NTM: variants seen among roughly 807,000 people sequenced by gnomAD.
The protein encoded by NTM is IgLON family member 2.
NTM carries 13 observed loss-of-function variants against 42.1 expected under a neutral mutation model. The ratio of observed to expected loss-of-function variants is 0.31; its 90% CI spans 0.20 to 0.49. The LOEUF (loss-of-function observed/expected upper bound fraction) is 0.49. NTM is among the 20% of genes least tolerant of loss of function. The pLI is 0.99. For synonymous variants in NTM, 187 were observed against 179.2 expected (o/e 1.04, Z -0.35); for missense variants, 373 against 452.8 (o/e 0.82, Z 1.60).
intron 7 of NTM, among the ~76,000 whole-genome samples, chr11:132,326,288 C>T (rs1307839071): frequency 6.6e-6 from 1 of 152,114 alleles, no homozygotes. Context: ...TAGTTCTGAC[C>T]ACTGAGATCT....
intron 1 of NTM, among the ~76,000 whole-genome samples, chr11:131,894,812 T>C (rs1379274083): frequency 6.6e-6 from 1 of 152,194 alleles, no homozygotes; most frequent in Non-Finnish European, 1.5e-5. Context: ...TGGTGACAGA[T>C]ACTAGTATGA....
intron 1 of NTM, among the ~76,000 whole-genome samples, chr11:131,852,752 C>T (rs2045693968): frequency 6.6e-6 from 1 of 152,150 alleles, no homozygotes; most frequent in Non-Finnish European, 1.5e-5. Context: ...TCCATTCACT[C>T]ATCCATCCAA....
At chr11:131,740,938 C>T (rs571321159) in intron 1 of NTM, among the ~76,000 whole-genome samples, 9 of 152,192 alleles carry the variant, frequency 5.9e-5, no homozygotes, top group Admixed American at 3.9e-4. Flanking sequence ...GAGGCCGAGG[C>T]GTACAGATCA....
At chr11:132,317,823 T>C in intron 7 of NTM, 1 of 435,432 alleles carries the variant, frequency 2.3e-6, no homozygotes, top group South Asian at 2.0e-5. Context: ...TTGAAGGAGG[T>C]GATTGATTGG....
At chr11:131,407,426 A>T (rs1945916226) in intron 1 of NTM, among the ~76,000 whole-genome samples, 1 of 152,204 alleles carries the variant, frequency 6.6e-6, no homozygotes. Context: ...GTAATATTTT[A>T]TAGCAGCATC....
chr11:131,396,833 C>CA (rs143652343), intron 1 of NTM, among the ~76,000 whole-genome samples: 20,862 of 143,572 alleles, frequency 0.15, 1,817 homozygotes, highest in Non-Finnish European at 0.21. Context: ...AATTCTGTCT[C>CA]AAAAAAAAAA....
intron 1 of NTM, among the ~76,000 whole-genome samples, chr11:131,883,628 T>A (rs975066873): frequency 3.3e-5 from 5 of 152,194 alleles, no homozygotes; most frequent in African/African-American, 1.2e-4. Flanking sequence ...CAGACTCAGT[T>A]GGTTTGACCC....
Position 131,911,668 on chromosome 11 carries a change from C to T in NTM, c.167+20C>T, listed in dbSNP as rs1471987656. The T allele has an allele frequency of 3.1e-6, 5 of 1,613,918 alleles. No homozygotes were observed. Among genetic ancestry groups the T allele is most frequent in the South Asian group, 2.2e-5 (2 of 91,074 alleles). Reference sequence around the variant, plus strand: ...CCTCAGGTAGGGAGCTGACATTGTTCTGCGAACTGATGGTTTGTATGGGGT... The same window carrying T: ...CCTCAGGTAGGGAGCTGACATTGTTTTGCGAACTGATGGTTTGTATGGGGT... On this transcript the variant is annotated intron_variant, in intron 2 of 8. Coordinates refer to ENST00000683400, the MANE Select transcript of NTM (RefSeq NM_001352005.2).
chr11:131,763,530 A>T (rs1258653003), intron 1 of NTM, among the ~76,000 whole-genome samples: 1 of 152,050 alleles, frequency 6.6e-6, no homozygotes, highest in East Asian at 1.9e-4. Context: ...AGGGGATTAT[A>T]TTATCCAAGT....
intron 1 of NTM, among the ~76,000 whole-genome samples, chr11:131,665,385 C>T (rs1223682794): frequency 6.6e-6 from 1 of 152,152 alleles, no homozygotes; most frequent in Non-Finnish European, 1.5e-5. Context: ...TGAACAGGGT[C>T]TTTCCAAAAT....
At chr11:131,965,898 T>G (rs2062771964) in intron 2 of NTM, among the ~76,000 whole-genome samples, 1 of 134,496 alleles carries the variant, frequency 7.4e-6, no homozygotes, top group Non-Finnish European at 1.5e-5. Context: ...GGGTTGGAGC[T>G]TGGGTAGGTA....
chr11:132,220,033 C>T (rs2084816558), intron 4 of NTM, among the ~76,000 whole-genome samples: 1 of 152,096 alleles, frequency 6.6e-6, no homozygotes, highest in African/African-American at 2.4e-5. Flanking sequence ...AGAAGCTATC[C>T]CAGGAGGGCC....
intron 1 of NTM, among the ~76,000 whole-genome samples, chr11:131,462,646 C>G (rs1390475878): frequency 6.6e-6 from 1 of 152,234 alleles, no homozygotes; most frequent in African/African-American, 2.4e-5. Flanking sequence ...GGATCTGATT[C>G]TGTTTCAGTG....
chr11:132,114,925 T>C (rs2063685762), intron 2 of NTM, among the ~76,000 whole-genome samples: 1 of 152,196 alleles, frequency 6.6e-6, no homozygotes, highest in African/African-American at 2.4e-5. Context: ...AGGACAATCC[T>C]TTGGGATAGT....
chr11:132,284,275 T>G (rs1230496397), intron 4 of NTM: 1 of 152,220 alleles, frequency 6.6e-6, no homozygotes, highest in African/African-American at 2.4e-5. Context: ...TGCATTGTCT[T>G]ACAAATTTGG....
rs1172109966 is a variant in NTM, at chr11:131,492,190, A to G, written c.82+121302A>G. Among the ~76,000 whole-genome samples the G allele has an allele frequency of 5.3e-5, 8 of 152,300 alleles. No homozygotes were observed. In the East Asian group the frequency reaches 1.5e-3, roughly 29 times the overall value. ...TGCAGTTTATCAAGCAATTTTACATACAGCATCTCACTTACAGTCCTAATA... is the reference window on the plus strand; with the variant it reads ...TGCAGTTTATCAAGCAATTTTACATGCAGCATCTCACTTACAGTCCTAATA... On this transcript the variant is annotated intron_variant, in intron 1 of 8. Transcript: ENST00000683400.
intron 1 of NTM, among the ~76,000 whole-genome samples, chr11:131,617,176 C>G (rs2062025652): frequency 6.6e-6 from 1 of 151,990 alleles, no homozygotes; most frequent in African/African-American, 2.4e-5. Flanking sequence ...CGTGTGTGTA[C>G]TCCTGTGTAA....
intron 1 of NTM, among the ~76,000 whole-genome samples, chr11:131,725,808 C>T (rs544170656): frequency 6.6e-6 from 1 of 152,146 alleles, no homozygotes; most frequent in Non-Finnish European, 1.5e-5. Context: ...AACAAGATGC[C>T]TCTGGTTTGC....
chr11:131,516,043 C>A (rs1319982727), intron 1 of NTM, among the ~76,000 whole-genome samples: 2 of 152,154 alleles, frequency 1.3e-5, no homozygotes, highest in Non-Finnish European at 2.9e-5. Context: ...ACTTATTCAT[C>A]CCCTTAATAA....
Sources: allele counts gnomAD v4.1 joint callset (sites outside exome capture counted in the v4.1 genomes callset), GRCh38; gene constraint gnomAD v4.1.1; transcripts MANE v1.5; gene names NCBI Gene and HGNC (gene_info 2026-07-23, HGNC 2026-07-21).